The following RBMS3 variants were observed in gnomAD, a reference collection of about 807,000 sequenced individuals.
The protein encoded by RBMS3 is RNA-binding motif, single-stranded-interacting protein 3.
RBMS3 carries 27 observed loss-of-function variants against 66.8 expected under a neutral mutation model. The ratio of observed to expected loss-of-function variants is 0.40; its 90% CI spans 0.30 to 0.56. The LOEUF (loss-of-function observed/expected upper bound fraction) is 0.56, where lower values mean the gene tolerates loss of function less well. Among genes scored for constraint, RBMS3 ranks in the 20% least tolerant of loss-of-function variants. The pLI is 0.40. For missense variants in RBMS3, 513 were observed against 549.5 expected, an observed-to-expected ratio of 0.93 and a Z score of 0.66; for synonymous variants, 188 against 183.0, an observed-to-expected ratio of 1.03 and a Z score of -0.22.
chr3:29,714,531 T>C (rs2053309579), intron 4 of RBMS3, among the ~76,000 whole-genome samples: 1 of 152,138 alleles, frequency 6.6e-6, no homozygotes, highest in Non-Finnish European at 1.5e-5. Flanking sequence ...ACAGATGGAA[T>C]TTAAAATCAT....
chr3:29,529,551 G>A (rs2045269030), intron 3 of RBMS3, among the ~76,000 whole-genome samples: 1 of 152,082 alleles, frequency 6.6e-6, no homozygotes, highest in Non-Finnish European at 1.5e-5. Flanking sequence ...TTTAAAGAGA[G>A]CAGAAACTCA....
intron 3 of RBMS3, among the ~76,000 whole-genome samples, chr3:29,544,974 C>T (rs1328711345): frequency 6.6e-6 from 1 of 152,096 alleles, no homozygotes; most frequent in African/African-American, 2.4e-5. Context: ...TAGCCTTTGA[C>T]ACAGCAATCT....
chr3:30,005,963 C>T lies in RBMS3; in HGVS notation c.*2101C>T, dbSNP rs538937561. On this transcript the variant is annotated 3_prime_UTR_variant, in exon 15 of 15. Transcript: ENST00000383767. The stretch of plus-strand genomic sequence containing the variant: ...GTCTAAAATGAATTAAATTGACCCA[C>T]CTGTAAAATATATCTACATTTTTAA... 42 of 151,942 alleles carry T rather than the reference C, an allele frequency of 2.8e-4. No individual in the cohort carries two copies. The highest frequency in any genetic ancestry group is 5.5e-4 in the Non-Finnish European group (37 of 67,810). The allele number at this position is 151,942 out of a possible 1,614,324, so 9.4% of individuals were successfully genotyped here.
intron 3 of RBMS3, among the ~76,000 whole-genome samples, chr3:29,528,231 G>A (rs1163388575): frequency 1.3e-5 from 2 of 150,298 alleles, no homozygotes. Flanking sequence ...TCCTTCCTCA[G>A]CCTCTCAAAT....
intron 3 of RBMS3, among the ~76,000 whole-genome samples, chr3:29,568,969 A>G (rs963013405): frequency 2.6e-5 from 4 of 152,096 alleles, no homozygotes; most frequent in South Asian, 2.1e-4. Flanking sequence ...TAATGTGCAT[A>G]TGGCTTTCTT....
At chr3:29,340,373 C>T (rs574721825) in intron 1 of RBMS3, among the ~76,000 whole-genome samples, 2 of 152,116 alleles carry the variant, frequency 1.3e-5, no homozygotes, top group African/African-American at 4.8e-5. Context: ...GGCCAATGGA[C>T]ACCGCCATTG....
chr3:29,459,251 C>A (rs1458199562), intron 2 of RBMS3, among the ~76,000 whole-genome samples: 1 of 152,120 alleles, frequency 6.6e-6, no homozygotes, highest in Admixed American at 6.6e-5. Flanking sequence ...ATTTCACTCC[C>A]TCCCCTGTGG....
At position 29,864,594 on chromosome 3, in the gene RBMS3, ACT is replaced by A. The variant is rs538126896; in HGVS notation, c.638-4259_638-4258del. Among the ~76,000 whole-genome samples, 8 of 152,214 alleles carry A rather than the reference ACT, an allele frequency of 5.3e-5. No individual in the cohort carries two copies. The South Asian group carries it at 1.7e-3, about 32-fold the overall frequency. ...TGAAAATAAAGCTTAAACGTTCCAA[ACT>A]CTCTGACACTGACACATGACCGGGT... On this transcript the variant is annotated intron_variant, in intron 6 of 14. Transcript: ENST00000383767.
Position 30,007,047 on chromosome 3 carries a change from A to G in RBMS3, c.*3185A>G, listed in dbSNP as rs945587014. 3 of 152,028 alleles carry G rather than the reference A, an allele frequency of 2.0e-5. No individual in the cohort carries two copies. The allele number at this position is 152,028 out of a possible 1,614,324, so 9.4% of individuals were successfully genotyped here. On this transcript the variant is annotated 3_prime_UTR_variant, in exon 15 of 15. Transcript: ENST00000383767. Reference sequence around the variant, plus strand: ...TGTTTTCAAACCAAAAAGAAAAAAAATAGAAGGAAAACAACGGCACATACT... The same window carrying G: ...TGTTTTCAAACCAAAAAGAAAAAAAGTAGAAGGAAAACAACGGCACATACT...
At chr3:29,907,125 A>G (rs866761053) in intron 10 of RBMS3, among the ~76,000 whole-genome samples, 1 of 151,938 alleles carries the variant, frequency 6.6e-6, no homozygotes, top group African/African-American at 2.4e-5. Flanking sequence ...CTTCCTGTTC[A>G]TGGTTAGCTG....
At chr3:29,602,450 A>T (rs1285046760) in intron 4 of RBMS3, among the ~76,000 whole-genome samples, 1 of 151,998 alleles carries the variant, frequency 6.6e-6, no homozygotes, top group East Asian at 1.9e-4. Context: ...TGTTTAACTG[A>T]TGGCTGGAGT....
chr3:29,815,288 A>T (rs575084956), intron 6 of RBMS3, among the ~76,000 whole-genome samples: 1 of 152,308 alleles, frequency 6.6e-6, no homozygotes, highest in Admixed American at 6.5e-5. Flanking sequence ...AAAACCTTAG[A>T]TATCACCCAT....
In RBMS3 at chr3:30,010,365, T is replaced by TA. The variant is rs1476951559; in HGVS notation, c.*6509dup. 3 of 152,206 alleles carry TA rather than the reference T, an allele frequency of 2.0e-5. No homozygotes were observed. The highest frequency in any genetic ancestry group is 1.9e-4 in the East Asian group (1 of 5,202). 9.4% of individuals were successfully genotyped at this position (152,206 alleles called of 1,614,324 possible). On this transcript the variant is annotated 3_prime_UTR_variant, in exon 15 of 15. Coordinates refer to ENST00000383767, the MANE Select transcript of RBMS3 (RefSeq NM_001003793.3). ...CTGTTTTCTTTGATGAAGCTTTCAA[T>TA]AAAAAATGAAAATAAAATCAATTGA...
At chr3:29,798,966 T>C (rs1244571212) in intron 6 of RBMS3, among the ~76,000 whole-genome samples, 2 of 149,994 alleles carry the variant, frequency 1.3e-5, no homozygotes, top group African/African-American at 4.9e-5. Context: ...CAAGGGATTG[T>C]ACAATGTAAT....
At chr3:29,309,634 G>A (rs2034250632) in intron 1 of RBMS3, among the ~76,000 whole-genome samples, 1 of 151,428 alleles carries the variant, frequency 6.6e-6, no homozygotes, top group Admixed American at 6.6e-5. Context: ...TGGCGGTGGT[G>A]AGAATTTGTC....
chr3:29,726,193 C>A (rs186559180), intron 4 of RBMS3, among the ~76,000 whole-genome samples: 4 of 152,154 alleles, frequency 2.6e-5, no homozygotes, highest in African/African-American at 9.6e-5. Context: ...ATACTAGGTA[C>A]TGTTAGACCA....
chr3:29,741,791 G>A (rs1332947829), intron 5 of RBMS3, among the ~76,000 whole-genome samples: 4 of 152,092 alleles, frequency 2.6e-5, no homozygotes, highest in Admixed American at 2.6e-4. Flanking sequence ...TTTATAGCTG[G>A]CTTCTTGTGA....
chr3:29,726,376 A>G (rs1174704149), intron 4 of RBMS3, among the ~76,000 whole-genome samples: 1 of 152,186 alleles, frequency 6.6e-6, no homozygotes, highest in Non-Finnish European at 1.5e-5. Context: ...AGTCAAGAGA[A>G]AGAAATAAAG....
chr3:29,698,510 C>A, intron 4 of RBMS3: 1 of 985,032 alleles, frequency 1.0e-6, no homozygotes, highest in Non-Finnish European at 1.2e-6. Flanking sequence ...TTTAAATGTG[C>A]CTATTTTTAT....
Sources: allele counts gnomAD v4.1 joint callset (sites outside exome capture counted in the v4.1 genomes callset), GRCh38; gene constraint gnomAD v4.1.1; transcripts MANE v1.5; gene names NCBI Gene and HGNC (gene_info 2026-07-23, HGNC 2026-07-21).